Variants in VIM observed in about 807,000 individuals in gnomAD.
VIM encodes epididymis secretory sperm binding protein.
In VIM, 18 loss-of-function variants were observed where a neutral mutation model predicts 50.3. That is an observed-to-expected ratio of 0.36 (90% CI 0.25 to 0.53). The LOEUF (loss-of-function observed/expected upper bound fraction) is 0.53. Ranked by LOEUF, VIM falls within the 20% of genes least tolerant of loss-of-function variation. VIM has a pLI of 0.91. For synonymous variants in VIM, 245 were observed against 248.5 expected (o/e 0.99, Z 0.13); for missense variants, 551 against 614.7 (o/e 0.90, Z 1.10).
chr10:17,230,617 C>T (rs778097133), intron 2 of VIM, 33 bp from the exon 3 acceptor site: 8 of 1,613,428 alleles, frequency 5.0e-6, no homozygotes, highest in East Asian at 4.5e-5. Flanking sequence ...GCGGTTTCCT[C>T]GTTCCCCTTT....
chr10:17,234,669 A>G (rs762135427), intron 5 of VIM, 24 bp from the exon 6 acceptor site: 5 of 1,613,208 alleles, frequency 3.1e-6, no homozygotes, highest in Admixed American at 1.7e-5. Context: ...TGAGCAATCT[A>G]CATTTCTGTT....
intron 2 of VIM, 63 bp from the exon 3 acceptor site, chr10:17,230,587 G>C (rs776779242): frequency 1.3e-6 from 2 of 1,582,538 alleles, no homozygotes; most frequent in Non-Finnish European, 8.7e-7. Context: ...TGGTGTTTGG[G>C]TGTGGCCGCC....
In VIM at chr10:17,233,817, C is replaced by A. The variant is rs377349430; in HGVS notation, c.768C>A (p.Ile256=). 3.7e-6 allele frequency: 6 copies of A among 1,614,002 alleles called. No individual in the cohort carries two copies. The highest frequency in any genetic ancestry group is 4.2e-6 in the Non-Finnish European group (5 of 1,180,036). ...AGATTCAGGAACAGCATGTCCAAAT[C>A]GATGTGGATGTTTCCAAGCCTGACC... The part of the protein sequence containing the change: ...QAQIQEQHVQ[I]DVDVSKPDLT... Residue 256 remains isoleucine (I), a synonymous_variant, in exon 5 of 10, where the codon ATC becomes ATA. Coordinates refer to ENST00000544301, the MANE Select transcript of VIM (RefSeq NM_003380.5).
chr10:17,236,492 C>T, intron 9 of VIM, 113 bp downstream of exon 9: 1 of 878,924 alleles, frequency 1.1e-6, no homozygotes, highest in Admixed American at 1.8e-5. Context: ...GTTCAGGTTT[C>T]ATTCATGCCT....
chr10:17,229,614 C>T lies in VIM; in HGVS notation c.192C>T (p.Arg64=). Residue 64 remains arginine (R), a synonymous_variant, in exon 2 of 10, where the codon CGC becomes CGT. Transcript: ENST00000544301. ...CCCCGGGCGGCGTGTATGCCACGCG[C>T]TCCTCTGCCGTGCGCCTGCGGAGCA... ...ASSPGGVYAT[R]SSAVRLRSSV... 6.3e-7 allele frequency: 1 copy of T among 1,597,966 alleles called. No homozygotes were observed. The highest frequency in any genetic ancestry group is 8.5e-7 in the Non-Finnish European group (1 of 1,173,020).
At chr10:17,233,101 C>T (rs1846824776) in intron 3 of VIM, 2 of 213,102 alleles carry the variant, frequency 9.4e-6, no homozygotes, top group Non-Finnish European at 9.6e-6. Flanking sequence ...GCATGTGCCA[C>T]CACACCCAGC....
At position 17,234,079 on chromosome 10, in the gene VIM, C is replaced by T. The variant is rs529939019; in HGVS notation, c.882+148C>T. Reference sequence around the variant, plus strand: ...CATATTGTGTTTGCCACCACAGCCTCCCCACCACTCACATCACCTCCTTTA... The same window carrying T: ...CATATTGTGTTTGCCACCACAGCCTTCCCACCACTCACATCACCTCCTTTA... On this transcript the variant is annotated intron_variant, in intron 5 of 9. Transcript: ENST00000544301. 7.9e-6 allele frequency: 7 copies of T among 882,346 alleles called. No homozygotes were observed. The East Asian group carries it at 1.6e-4, about 20-fold the overall frequency. The allele number at this position is 882,346 out of a possible 1,614,324, so 54.7% of individuals were successfully genotyped here.
intron 9 of VIM, 48 bp downstream of exon 9, chr10:17,236,427 A>G (rs1276032365): frequency 1.1e-5 from 16 of 1,439,252 alleles, no homozygotes; most frequent in Non-Finnish European, 1.6e-5. Context: ...ACAGGAGTTG[A>G]TATATTTTAA....
chr10:17,234,986 GT>G, intron 6 of VIM, 168 bp downstream of exon 6: 1 of 1,221,434 alleles, frequency 8.2e-7, no homozygotes, highest in Non-Finnish European at 1.2e-6. Context: ...ACTCTTGAAG[GT>G]TTTAGCTTGC....
intron 9 of VIM, 96 bp downstream of exon 9, chr10:17,236,475 T>A: frequency 9.3e-7 from 1 of 1,073,926 alleles, no homozygotes. Flanking sequence ...GCTGGCTAAT[T>A]TGAGAGGTTC....
In VIM at chr10:17,229,769, A is replaced by G; in HGVS notation, c.347A>G (p.Asn116Ser). 2.5e-6 allele frequency: 4 copies of G among 1,590,114 alleles called. No individual in the cohort carries two copies. The highest frequency in any genetic ancestry group is 2.3e-5 in the East Asian group (1 of 44,064). ...CAGGAGCTGAATGACCGCTTCGCCAACTACATCGACAAGGTGCGCTTCCTG... is the reference window on the plus strand; with the variant it reads ...CAGGAGCTGAATGACCGCTTCGCCAGCTACATCGACAAGGTGCGCTTCCTG... ...ELQELNDRFA[N>S]YIDKVRFLEQ... Residue 116 changes from asparagine to serine, a missense_variant, in exon 2 of 10, where the codon AAC becomes AGC. Around this residue, in one of 3 missense-constraint regions of VIM, gnomAD observed 23 missense variants for 50.9 expected, o/e 0.45. Coordinates refer to ENST00000544301, the MANE Select transcript of VIM (RefSeq NM_003380.5).
At chr10:17,234,260 A>G in intron 5 of VIM, 1 of 367,570 alleles carries the variant, frequency 2.7e-6, no homozygotes. Context: ...AACCACAGGC[A>G]AGCACCACCA....
rs1846715842 is a variant in VIM at position 17,228,404 on chromosome 10, G to C, written c.-268G>C. On this transcript the variant is annotated 5_prime_UTR_variant, in exon 1 of 10. Transcript: ENST00000544301. ...CACACAGCAAGGCGATGGCCCAGCT[G>C]TAAGTTGGTAGCACTGAGAACTAGC... 1 of 152,316 alleles carries C rather than the reference G, an allele frequency of 6.6e-6. No individual in the cohort carries two copies. The highest frequency in any genetic ancestry group is 2.4e-5 in the African/African-American group (1 of 41,464). The allele number at this position is 152,316 out of a possible 1,614,324, so 9.4% of individuals were successfully genotyped here. A position where few individuals can be genotyped will look rare whatever the true frequency, so the allele number is the denominator to read the frequency against.
At chr10:17,232,378 G>A (rs1846813436) in intron 3 of VIM, among the ~76,000 whole-genome samples, 2 of 152,184 alleles carry the variant, frequency 1.3e-5, no homozygotes, top group African/African-American at 2.4e-5. Context: ...TAAAATCTTA[G>A]TTGCAAGATT....
intron 2 of VIM, 113 bp from the exon 3 acceptor site, chr10:17,230,537 G>A: frequency 8.3e-7 from 1 of 1,206,518 alleles, no homozygotes; most frequent in South Asian, 1.2e-5. Flanking sequence ...CTAGTTGCGC[G>A]GAGGTGGCGC....
At chr10:17,231,705 T>TA (rs1435810759) in intron 3 of VIM, among the ~76,000 whole-genome samples, 1 of 151,724 alleles carries the variant, frequency 6.6e-6, no homozygotes, top group Non-Finnish European at 1.5e-5. Context: ...ACTCTTGCCA[T>TA]AAAAAATAAT....
At position 17,235,162 on chromosome 10, in the gene VIM, C is replaced by G. The variant is rs748657664; in HGVS notation, c.1009-7C>G. On this transcript the variant is annotated splice_region_variant and splice_polypyrimidine_tract_variant and intron_variant, in intron 6 of 9. Coordinates refer to ENST00000544301, the MANE Select transcript of VIM (RefSeq NM_003380.5). ...ATAACACCAGACATCTTTCTCACCC[C>G]CTGCAGAATGAGTCCCTGGAACGCC... is the stretch of plus-strand genomic sequence containing the variant. The G allele has an allele frequency of 5.0e-6, 8 of 1,614,110 alleles. 1 individual carries two copies. In the East Asian group the frequency reaches 1.3e-4, roughly 27 times the overall value.
Position 17,230,705 on chromosome 10 carries a change from A to C in VIM, c.619A>C (p.Arg207=). 1 of 1,614,130 alleles carries C rather than the reference A, an allele frequency of 6.2e-7. No individual in the cohort carries two copies. The change falls in exon 3 of 10, where the codon AGA becomes CGA. Residue 207 remains arginine (R), a synonymous_variant. Transcript: ENST00000544301. ...AGCCGAAAACACCCTGCAATCTTTC[A>C]GACAGGTTTGTAGACTCTCTTCCCA... The part of the protein sequence containing the change: ...EEAENTLQSF[R]QDVDNASLAR...
Position 17,233,910 on chromosome 10 carries a change from A to C in VIM, c.861A>C (p.Ala287=), listed in dbSNP as rs1199175580. The C allele has an allele frequency of 6.2e-7, 1 of 1,613,992 alleles. No individual in the cohort carries two copies. The highest frequency in any genetic ancestry group is 1.1e-5 in the South Asian group (1 of 91,032). ...ESVAAKNLQE[A]EEWYKSKFAD... is the part of the protein sequence containing the mutation. ...TGGCTGCCAAGAACCTGCAGGAGGC[A>C]GAAGAATGGTACAAATCCAAGGTAG... Residue 287 remains alanine, a synonymous_variant, in exon 5 of 10, where the codon GCA becomes GCC. Coordinates refer to ENST00000544301, the MANE Select transcript of VIM (RefSeq NM_003380.5).
Sources: gnomAD v4.1 joint callset for allele counts (sites outside exome capture counted in the v4.1 genomes callset) on GRCh38, gnomAD v4.1.1 for gene constraint, gnomAD v4.1.1 regional missense constraint, MANE v1.5 for transcripts, NCBI Gene and HGNC (gene_info 2026-07-23, HGNC 2026-07-21) for gene names.